The following PCNX2 variants were observed in gnomAD, a reference collection of about 807,000 sequenced individuals.
PCNX2 encodes pecanex 2.
Under a neutral mutation model 223.8 loss-of-function variants are expected in PCNX2, and 168 were observed. The observed-to-expected ratio is 0.75, with a 90% CI of 0.66 to 0.85. PCNX2 has a LOEUF of 0.85. Ranked by LOEUF, PCNX2 falls within the 40% of genes least tolerant of loss-of-function variation. PCNX2 has a pLI of 0.00. For synonymous variants in PCNX2, 1,006 were observed against 1,052.6 expected, an observed-to-expected ratio of 0.96 and a Z score of 0.86; for missense variants, 2,507 against 2,675.5, an observed-to-expected ratio of 0.94 and a Z score of 1.39.
At chr1:233,094,998 T>C (rs1213754980) in intron 22 of PCNX2, among the ~76,000 whole-genome samples, 1 of 152,188 alleles carries the variant, frequency 6.6e-6, no homozygotes, top group South Asian at 2.1e-4. Context: ...CTAAATTCAC[T>C]GGGAAGGAAA....
At chr1:233,213,429 T>A (rs1369816881) in intron 12 of PCNX2, among the ~76,000 whole-genome samples, 1 of 152,190 alleles carries the variant, frequency 6.6e-6, no homozygotes, top group East Asian at 1.9e-4. Context: ...TCAGTATTGG[T>A]CCATTAATTG....
rs534133874 is a variant in PCNX2 at position 233,080,746 on chromosome 1, G to A, written c.4076+9315C>T. 2.6e-5 allele frequency among the ~76,000 whole-genome samples: 4 copies of A among 152,136 alleles called. No individual in the cohort carries two copies. In the South Asian group the frequency reaches 6.2e-4, roughly 24 times the overall value. On this transcript the variant is annotated intron_variant, in intron 23 of 33. Transcript: ENST00000258229. ...GAAGGCCCCACCTCCTAATACCATC[G>A]CACTGTGGGTCAGCATTTCAACCTA...
chr1:233,142,862 C>T (rs556086236), intron 19 of PCNX2, among the ~76,000 whole-genome samples: 167 of 152,260 alleles, frequency 1.1e-3, no homozygotes, highest in African/African-American at 3.9e-3. Context: ...ATCCCACCAT[C>T]CCCAGCTTGT....
intron 32 of PCNX2, among the ~76,000 whole-genome samples, chr1:232,988,168 G>T (rs1302547027): frequency 6.6e-6 from 1 of 152,238 alleles, no homozygotes; most frequent in Non-Finnish European, 1.5e-5. Flanking sequence ...GTCTGGCAAG[G>T]CCGGACGTGT....
At chr1:233,047,055 A>G (rs1053380800) in intron 25 of PCNX2, among the ~76,000 whole-genome samples, 2 of 152,110 alleles carry the variant, frequency 1.3e-5, no homozygotes, top group Non-Finnish European at 1.5e-5. Flanking sequence ...TGGGAGACTG[A>G]GTGGTACCAT....
At position 233,230,575 on chromosome 1, in the gene PCNX2, C is replaced by G. The variant is rs1572117666; in HGVS notation, c.2359-3204G>C. On this transcript the variant is annotated intron_variant, in intron 9 of 33. Transcript: ENST00000258229. ...GCCACTGCAGAACTCTCCAAGAAAG[C>G]AAATTTTACCATCTCTCCATTGCCC... Among the ~76,000 whole-genome samples, 4 of 152,324 alleles carry G rather than the reference C, an allele frequency of 2.6e-5. No individual in the cohort carries two copies. The East Asian group carries it at 7.7e-4, about 29-fold the overall frequency.
Position 232,986,168 on chromosome 1 carries a change from G to T in PCNX2, c.6164C>A (p.Thr2055Asn). Reference sequence around the variant, plus strand: ...GCTGCTGGATGACTGGGTGTCACTGGTATTGCCCCCCTCCGCAGCAGAGAG... The same window carrying T: ...GCTGCTGGATGACTGGGTGTCACTGTTATTGCCCCCCTCCGCAGCAGAGAG... ...SGLSAAEGGN[T>N]SDTQSSSSVN... The change falls in exon 33 of 34, where the codon ACC becomes AAC. Residue 2055 changes from threonine to asparagine, a missense_variant. By Grantham distance (65) the Thr-to-Asn change is moderately conservative. Transcript: ENST00000258229. The T allele has an allele frequency of 1.3e-6, 2 of 1,566,944 alleles. No homozygotes were observed. The highest frequency in any genetic ancestry group is 2.4e-5 in the South Asian group (2 of 85,098).
chr1:233,014,624 G>A lies in PCNX2; in HGVS notation c.4952+41C>T, dbSNP rs772208255. ...AAATCTGTCAAACATGTGAAAGTGG[G>A]TGCCTGTACCTAAGAGATTCTAACT... On this transcript the variant is annotated intron_variant, in intron 28 of 33. Transcript: ENST00000258229. 2.7e-6 allele frequency: 4 copies of A among 1,486,140 alleles called. No individual in the cohort carries two copies. In the Admixed American group the frequency reaches 5.1e-5, roughly 19 times the overall value. 92.1% of individuals were successfully genotyped at this position (1,486,140 alleles called of 1,614,324 possible).
chr1:233,295,583 C>G lies in PCNX2; in HGVS notation c.-105G>C, dbSNP rs1290711307. 33 of 1,198,040 alleles carry G rather than the reference C, an allele frequency of 2.8e-5. No individual in the cohort carries two copies. The highest frequency in any genetic ancestry group is 3.4e-5 in the Non-Finnish European group (32 of 943,460). 74.2% of individuals were successfully genotyped at this position (1,198,040 alleles called of 1,614,324 possible). A position where few individuals can be genotyped will look rare whatever the true frequency, so the allele number is the denominator to read the frequency against. On this transcript the variant is annotated 5_prime_UTR_variant, in exon 1 of 34. Coordinates refer to ENST00000258229, the MANE Select transcript of PCNX2 (RefSeq NM_014801.4). This position sits in a 1 kb window ranked among gnomAD's most constrained non-coding sequence, Gnocchi z 4.1. The stretch of plus-strand genomic sequence containing the variant: ...AACACCCGGGCCCGCGGGCCGCGCC[C>G]CCGCCGTCGCCGCCGCCGTCGCCCC...
At chr1:233,057,412 G>C in intron 23 of PCNX2, 122 bp from the exon 24 acceptor site, 3 of 741,124 alleles carry the variant, frequency 4.0e-6, no homozygotes, top group Non-Finnish European at 7.1e-6. Flanking sequence ...AGGTTAAGAC[G>C]ATTGCTGTAG....
chr1:233,201,048 A>AT (rs1282343681), intron 13 of PCNX2, among the ~76,000 whole-genome samples: 5 of 148,926 alleles, frequency 3.4e-5, no homozygotes, highest in Non-Finnish European at 7.4e-5. Flanking sequence ...AAAAAAAAAA[A>AT]GTTGGTATAC....
intron 20 of PCNX2, among the ~76,000 whole-genome samples, chr1:233,136,420 T>C (rs893034743): frequency 3.3e-5 from 5 of 152,222 alleles, no homozygotes; most frequent in African/African-American, 1.2e-4. Context: ...AATACAATGT[T>C]GGAAATTCCG....
intron 23 of PCNX2, among the ~76,000 whole-genome samples, chr1:233,084,756 C>A: frequency 6.6e-6 from 1 of 152,144 alleles, no homozygotes; most frequent in Admixed American, 6.5e-5. Flanking sequence ...ATACAAAGAG[C>A]AGGATGATAA....
intron 33 of PCNX2, chr1:232,985,745 T>C (rs2102772252): frequency 1.8e-6 from 1 of 555,554 alleles, no homozygotes; most frequent in South Asian, 2.5e-5. Context: ...GCCAGAATCA[T>C]GTGAGAAGAG....
chr1:233,102,864 G>A (rs895662618), intron 21 of PCNX2, among the ~76,000 whole-genome samples: 3 of 151,958 alleles, frequency 2.0e-5, no homozygotes, highest in African/African-American at 7.3e-5. Context: ...AAGCTTTTTA[G>A]CTTGATATAA....
intron 21 of PCNX2, chr1:233,134,809 G>A (rs1676714035): frequency 3.5e-6 from 2 of 578,146 alleles, no homozygotes; most frequent in Non-Finnish European, 3.0e-6. Flanking sequence ...TTTAATTAGT[G>A]ATTTTTAGCA....
chr1:233,258,155 T>C lies in PCNX2; in HGVS notation c.1707A>G (p.Gln569=), dbSNP rs371052083. Residue 569 remains glutamine (Q), a synonymous_variant, in exon 5 of 34, where the codon CAA becomes CAG. Coordinates refer to ENST00000258229, the MANE Select transcript of PCNX2 (RefSeq NM_014801.4). The stretch of plus-strand genomic sequence containing the variant: ...CCAGGAAGTTGGACTCATTTGGCAT[T>C]TGTCCTTCCTTAGCCTCTAGGTCAG... ...SKSDLEAKEG[Q]MPNESNFLEF... is the part of the protein sequence containing the mutation. The C allele has an allele frequency of 3.1e-6, 5 of 1,613,882 alleles. No homozygotes were observed. The highest frequency in any genetic ancestry group is 2.2e-5 in the East Asian group (1 of 44,886).
At chr1:233,140,439 C>T (rs1468019654) in intron 19 of PCNX2, among the ~76,000 whole-genome samples, 1 of 152,216 alleles carries the variant, frequency 6.6e-6, no homozygotes, top group Admixed American at 6.5e-5. Flanking sequence ...CCATTAAGGG[C>T]TAAGGTTTTA....
At chr1:233,153,087 CA>C (rs1677914696) in intron 19 of PCNX2, among the ~76,000 whole-genome samples, 1 of 152,128 alleles carries the variant, frequency 6.6e-6, no homozygotes, top group African/African-American at 2.4e-5. Context: ...GACGAAGAGT[CA>C]AAAAACCTCA....
Sources: gnomAD v4.1 joint callset for allele counts (sites outside exome capture counted in the v4.1 genomes callset) on GRCh38, gnomAD v4.1.1 for gene constraint, Gnocchi (gnomAD v3.1) non-coding constraint, MANE v1.5 for transcripts, NCBI Gene and HGNC (gene_info 2026-07-23, HGNC 2026-07-21) for gene names.